The following EPHA3 variants were observed in gnomAD, a reference collection of about 807,000 sequenced individuals.
EPHA3 encodes EPH receptor A3, also known as ephrin type-A receptor 3.
EPHA3 carries 42 observed loss-of-function variants against 107.1 expected under a neutral mutation model. The ratio of observed to expected loss-of-function variants is 0.39; its 90% CI spans 0.31 to 0.51. The LOEUF (loss-of-function observed/expected upper bound fraction) is 0.51, where lower values mean the gene tolerates loss of function less well. Ranked by LOEUF, EPHA3 falls within the 20% of genes least tolerant of loss-of-function variation. The pLI is 0.78. For synonymous variants in EPHA3, 461 were observed against 424.8 expected (o/e 1.09, Z -1.05); for missense variants, 1,183 against 1,211.2 (o/e 0.98, Z 0.35).
chr3:89,454,420 T>C (rs1436964329), intron 15 of EPHA3, among the ~76,000 whole-genome samples: 1 of 152,036 alleles, frequency 6.6e-6, no homozygotes, highest in African/African-American at 2.4e-5. Flanking sequence ...ACCTCTTTCT[T>C]CCCCTCTACA....
chr3:89,266,877 C>T (rs1567731), intron 3 of EPHA3, among the ~76,000 whole-genome samples: 33,323 of 151,908 alleles, frequency 0.22, 3,975 homozygotes, highest in Non-Finnish European at 0.27. Flanking sequence ...CCCATTTTAA[C>T]GTGTTCAAAT....
chr3:89,213,390 A>T (rs1704152701), intron 3 of EPHA3, among the ~76,000 whole-genome samples: 1 of 152,054 alleles, frequency 6.6e-6, no homozygotes, highest in South Asian at 2.1e-4. Flanking sequence ...TTCTTAGAAT[A>T]GAGGTCCTGA....
At chr3:89,348,532 G>T (rs995383917) in intron 5 of EPHA3, among the ~76,000 whole-genome samples, 3 of 138,894 alleles carry the variant, frequency 2.2e-5, no homozygotes, top group African/African-American at 8.9e-5. Flanking sequence ...CTTGCTAGCG[G>T]TCTATCAATT....
chr3:89,380,771 CT>C (rs11294288), intron 5 of EPHA3, among the ~76,000 whole-genome samples: 33,163 of 135,326 alleles, frequency 0.25, 3,787 homozygotes, highest in Non-Finnish European at 0.28. Context: ...TAGGTAGTAG[CT>C]TTTTTTTTTT....
chr3:89,420,144 T>A (rs1446918178), intron 11 of EPHA3, among the ~76,000 whole-genome samples: 1 of 151,458 alleles, frequency 6.6e-6, no homozygotes, highest in Non-Finnish European at 1.5e-5. Context: ...GAGCTCAGGA[T>A]GAAGAATAAG....
In EPHA3 at chr3:89,450,347, G is replaced by T. The variant is rs2107555454; in HGVS notation, c.2667G>T (p.Lys889Asn). ...DKLIRNPGSLKIITSAAARPS... is the reference protein window; with the variant it reads ...DKLIRNPGSLNIITSAAARPS... ...TTATCCGGAATCCCGGCAGCCTGAAGATCATCACCAGTGCAGCCGCAAGGT... is the reference window on the plus strand; with the variant it reads ...TTATCCGGAATCCCGGCAGCCTGAATATCATCACCAGTGCAGCCGCAAGGT... The change falls in exon 15 of 17, where the codon AAG becomes AAT. Residue 889 changes from lysine (K) to asparagine (N), a missense_variant. Lys to Asn is a moderately conservative substitution (Grantham distance 94). Transcript: ENST00000336596. 1 of 1,613,574 alleles carries T rather than the reference G, an allele frequency of 6.2e-7. No homozygotes were observed. Among genetic ancestry groups the T allele is most frequent in the Non-Finnish European group, 8.5e-7 (1 of 1,179,758 alleles).
At chr3:89,236,596 G>GA (rs1252612501) in intron 3 of EPHA3, among the ~76,000 whole-genome samples, 3 of 120,074 alleles carry the variant, frequency 2.5e-5, no homozygotes, top group African/African-American at 9.2e-5. Context: ...TGGGGGGAGG[G>GA]GGGAGGGATA....
intron 5 of EPHA3, among the ~76,000 whole-genome samples, chr3:89,343,980 C>T: frequency 6.6e-6 from 1 of 152,146 alleles, no homozygotes; most frequent in East Asian, 1.9e-4. Flanking sequence ...CTATATATTG[C>T]ATGATTATGG....
chr3:89,328,166 T>C (rs1273612436), intron 3 of EPHA3, among the ~76,000 whole-genome samples: 1 of 152,084 alleles, frequency 6.6e-6, no homozygotes, highest in Non-Finnish European at 1.5e-5. Context: ...TATTACTTTA[T>C]TCTGTCAGAC....
chr3:89,199,887 T>A (rs1226077101), intron 2 of EPHA3, among the ~76,000 whole-genome samples: 1 of 152,184 alleles, frequency 6.6e-6, no homozygotes, highest in African/African-American at 2.4e-5. Context: ...AATTTTGACA[T>A]TTGGCACATT....
At chr3:89,369,908 G>T (rs1248830412) in intron 5 of EPHA3, among the ~76,000 whole-genome samples, 1 of 150,730 alleles carries the variant, frequency 6.6e-6, no homozygotes, top group African/African-American at 2.4e-5. Context: ...ATGAAAAAAT[G>T]CTCACCATCA....
intron 3 of EPHA3, among the ~76,000 whole-genome samples, chr3:89,298,968 TA>T (rs1284485807): frequency 6.6e-6 from 1 of 152,096 alleles, no homozygotes; most frequent in African/African-American, 2.4e-5. Flanking sequence ...AATATTTTCA[TA>T]AAGTCCTTTT....
intron 2 of EPHA3, among the ~76,000 whole-genome samples, chr3:89,192,030 T>G (rs1396865799): frequency 6.6e-6 from 1 of 152,202 alleles, no homozygotes; most frequent in Non-Finnish European, 1.5e-5. Context: ...CCTTCCTTAA[T>G]CTTTTGGCAG....
At chr3:89,326,204 T>C (rs1219027926) in intron 3 of EPHA3, among the ~76,000 whole-genome samples, 1 of 152,016 alleles carries the variant, frequency 6.6e-6, no homozygotes, top group Non-Finnish European at 1.5e-5. Context: ...CCAAAATCCA[T>C]GGATGCTCAA....
chr3:89,197,981 A>C (rs1243451664), intron 2 of EPHA3, among the ~76,000 whole-genome samples: 5 of 152,288 alleles, frequency 3.3e-5, no homozygotes, highest in Middle Eastern at 3.4e-3. Flanking sequence ...GTCTCAAAAA[A>C]ATAAAAATAA....
intron 2 of EPHA3, among the ~76,000 whole-genome samples, chr3:89,187,887 T>C (rs1327558933): frequency 6.6e-6 from 1 of 152,132 alleles, no homozygotes; most frequent in Non-Finnish European, 1.5e-5. Flanking sequence ...TAAATGTATA[T>C]TATATATTAA....
Position 89,298,544 on chromosome 3 carries a change from T to C in EPHA3, c.815-42372T>C, listed in dbSNP as rs1706415579. On this transcript the variant is annotated intron_variant, in intron 3 of 16. Coordinates refer to ENST00000336596, the MANE Select transcript of EPHA3 (RefSeq NM_005233.6). Reference sequence around the variant, plus strand: ...TGTTTTAGATGGAGTTTTTATTTCATTTTGTTTCTTATTTTTTGTTTTGGT... The same window carrying C: ...TGTTTTAGATGGAGTTTTTATTTCACTTTGTTTCTTATTTTTTGTTTTGGT... 3.3e-5 allele frequency among the ~76,000 whole-genome samples: 5 copies of C among 152,192 alleles called. No homozygotes were observed. The South Asian group carries it at 1.0e-3, about 32-fold the overall frequency.
intron 13 of EPHA3, among the ~76,000 whole-genome samples, chr3:89,433,440 A>G (rs1056032941): frequency 1.3e-5 from 2 of 152,208 alleles, no homozygotes; most frequent in African/African-American, 4.8e-5. Flanking sequence ...AAGCCGCAAT[A>G]ATAGAACCAC....
intron 2 of EPHA3, among the ~76,000 whole-genome samples, chr3:89,179,916 T>C (rs1364551659): frequency 1.3e-5 from 2 of 151,554 alleles, no homozygotes; most frequent in Non-Finnish European, 2.9e-5. Flanking sequence ...AGTGTCTCAC[T>C]GAGAGCAGGG....
Sources: gnomAD v4.1 joint callset for allele counts (sites outside exome capture counted in the v4.1 genomes callset) on GRCh38, gnomAD v4.1.1 for gene constraint, MANE v1.5 for transcripts, NCBI Gene and HGNC (gene_info 2026-07-23, HGNC 2026-07-21) for gene names.